The following ZNF385D variants were observed in gnomAD, a reference collection of about 807,000 sequenced individuals.
The protein encoded by ZNF385D is zinc finger protein 659.
A neutral mutation model predicts 35.8 loss-of-function variants in ZNF385D; 15 were observed. The ratio of observed to expected loss-of-function variants is 0.42; its 90% confidence interval spans 0.28 to 0.64. ZNF385D has a LOEUF of 0.64. ZNF385D is among the 30% of genes least tolerant of loss of function. The probability of loss-of-function intolerance (pLI) is 0.23; values close to 1 mark genes in which losing one functional copy is unlikely to be tolerated. For synonymous variants in ZNF385D, 212 were observed against 186.8 expected, an observed-to-expected ratio of 1.13 and a Z score of -1.10; for missense variants, 474 against 494.6, an observed-to-expected ratio of 0.96 and a Z score of 0.39.
chr3:22,105,444 C>A (rs931133818), intron 3 of ZNF385D, among the ~76,000 whole-genome samples: 4 of 151,738 alleles, frequency 2.6e-5, no homozygotes, highest in Admixed American at 1.3e-4. Context: ...TACTTATATA[C>A]AGAGAGAGAA....
Position 21,512,107 on chromosome 3 carries a change from A to T in ZNF385D, c.277-1084T>A, listed in dbSNP as rs558030117. 3.6e-5 allele frequency among the ~76,000 whole-genome samples: 5 copies of T among 139,754 alleles called. No homozygotes were observed. The East Asian group carries it at 1.1e-3, about 31-fold the overall frequency. 91.7% of individuals were successfully genotyped at this position (139,754 alleles called of 152,430 possible). On this transcript the variant is annotated intron_variant, in intron 3 of 7. Coordinates refer to ENST00000281523, the MANE Select transcript of ZNF385D (RefSeq NM_024697.3). ...GGTTGCAGTGAGCCGAGATCACGCC[A>T]CTGTACTCCAGCCTGGTGACAGAGC...
Position 22,267,567 on chromosome 3 carries a change from T to C in ZNF385D, c.107-98532A>G, listed in dbSNP as rs548239992. Among the ~76,000 whole-genome samples the C allele has an allele frequency of 5.3e-4, 80 of 152,014 alleles. 1 individual carries two copies. Among genetic ancestry groups the C allele is most frequent in the African/African-American group, 1.9e-3 (77 of 41,538 alleles). ...ATCAATATTTCTCAGTAAGAAATAA[T>C]AACTCACAACCCCAGATGAGCAATA... On this transcript the variant is annotated intron_variant, in intron 2 of 5. Transcript: ENST00000494108.
intron 2 of ZNF385D, among the ~76,000 whole-genome samples, chr3:22,347,678 T>A (rs545622998): frequency 6.6e-6 from 1 of 152,190 alleles, no homozygotes; most frequent in Non-Finnish European, 1.5e-5. Flanking sequence ...ATGATATGAC[T>A]GTTTCACTTT....
chr3:21,462,917 G>A (rs1241103021), intron 4 of ZNF385D, among the ~76,000 whole-genome samples: 1 of 152,180 alleles, frequency 6.6e-6, no homozygotes, highest in African/African-American at 2.4e-5. Flanking sequence ...GGGAGACAGA[G>A]GTTGTGGTGA....
rs534938661 is a variant in ZNF385D, at chr3:21,652,743, C to T, written c.165+12143G>A. On this transcript the variant is annotated intron_variant, in intron 2 of 7. Transcript: ENST00000281523. Reference sequence around the variant, plus strand: ...TGCTGTGTTTGGTTTTTAGTCCTTGCGATAGTCTGCTGAGAATGATGGTTT... The same window carrying T: ...TGCTGTGTTTGGTTTTTAGTCCTTGTGATAGTCTGCTGAGAATGATGGTTT... Among the ~76,000 whole-genome samples, 17 of 151,168 alleles carry T rather than the reference C, an allele frequency of 1.1e-4. No homozygotes were observed. The South Asian group carries it at 3.3e-3, about 30-fold the overall frequency.
chr3:21,650,144 T>C (rs1485361699), intron 2 of ZNF385D, among the ~76,000 whole-genome samples: 1 of 152,152 alleles, frequency 6.6e-6, no homozygotes, highest in African/African-American at 2.4e-5. Flanking sequence ...AAACTGAAGA[T>C]ATGGAAAATG....
chr3:22,142,920 C>G (rs1704604885), intron 3 of ZNF385D, among the ~76,000 whole-genome samples: 1 of 152,014 alleles, frequency 6.6e-6, no homozygotes, highest in African/African-American at 2.4e-5. Context: ...ATTAACAGTC[C>G]CAGGATACTG....
intron 3 of ZNF385D, among the ~76,000 whole-genome samples, chr3:21,974,379 G>T (rs956315072): frequency 4.6e-5 from 7 of 151,906 alleles, no homozygotes; most frequent in Non-Finnish European, 8.8e-5. Flanking sequence ...ATATACAAAA[G>T]AATAAAACTA....
chr3:21,633,003 G>A (rs1162181704), intron 2 of ZNF385D, among the ~76,000 whole-genome samples: 1 of 151,994 alleles, frequency 6.6e-6, no homozygotes, highest in Non-Finnish European at 1.5e-5. Flanking sequence ...ACAAATCTGT[G>A]ATGTTATTAG....
At chr3:22,093,468 G>C (rs13322471) in intron 3 of ZNF385D, among the ~76,000 whole-genome samples, 2,845 of 151,992 alleles carry the variant, frequency 0.019, 88 homozygotes, top group African/African-American at 0.064. Context: ...CAGAATGGCT[G>C]AACAAAATTT....
intron 2 of ZNF385D, among the ~76,000 whole-genome samples, chr3:22,323,682 G>A (rs996080333): frequency 6.6e-6 from 1 of 152,052 alleles, no homozygotes; most frequent in Non-Finnish European, 1.5e-5. Flanking sequence ...AAATTCTACA[G>A]AACATCTGTT....
intron 2 of ZNF385D, among the ~76,000 whole-genome samples, chr3:21,575,982 G>A (rs2063486068): frequency 6.6e-6 from 1 of 152,178 alleles, no homozygotes; most frequent in South Asian, 2.1e-4. Context: ...TAAAAAGGTG[G>A]AAAGAGCTTA....
chr3:21,816,382 G>A (rs1354115879), intron 3 of ZNF385D, among the ~76,000 whole-genome samples: 1 of 152,190 alleles, frequency 6.6e-6, no homozygotes, highest in Non-Finnish European at 1.5e-5. Context: ...AAAAGAGGAA[G>A]TCAAATTGTT....
At chr3:22,254,807 G>A in intron 2 of ZNF385D, among the ~76,000 whole-genome samples, 1 of 151,884 alleles carries the variant, frequency 6.6e-6, no homozygotes, top group African/African-American at 2.4e-5. Flanking sequence ...AAATCGCAGT[G>A]CTTGTATTCA....
chr3:22,016,505 C>T (rs1304278900), intron 3 of ZNF385D, among the ~76,000 whole-genome samples: 1 of 152,030 alleles, frequency 6.6e-6, no homozygotes, highest in Admixed American at 6.6e-5. Context: ...TTAGGTATGA[C>T]TATCTGATTT....
intron 3 of ZNF385D, among the ~76,000 whole-genome samples, chr3:21,832,555 C>T (rs1695060798): frequency 6.6e-6 from 1 of 152,098 alleles, no homozygotes; most frequent in African/African-American, 2.4e-5. Context: ...GGAACATCTC[C>T]CAAACTTTAA....
intron 2 of ZNF385D, chr3:21,579,647 T>C (rs2063594679): frequency 6.6e-6 from 1 of 152,178 alleles, no homozygotes; most frequent in Non-Finnish European, 1.5e-5. Flanking sequence ...AACAAAATAC[T>C]GCAAACTCAG....
At chr3:22,246,453 A>G (rs9855004) in intron 2 of ZNF385D, among the ~76,000 whole-genome samples, 9,890 of 152,166 alleles carry the variant, frequency 0.065, 850 homozygotes, top group African/African-American at 0.2. Context: ...AAGAAACAGG[A>G]ACACTTTTGC....
chr3:21,823,974 T>C (rs1207145446), intron 3 of ZNF385D, among the ~76,000 whole-genome samples: 1 of 152,196 alleles, frequency 6.6e-6, no homozygotes, highest in African/African-American at 2.4e-5. Context: ...TTACACTATT[T>C]AATGATGCAT....
Sources: allele counts gnomAD v4.1 joint callset (sites outside exome capture counted in the v4.1 genomes callset), GRCh38; gene constraint gnomAD v4.1.1; transcripts MANE v1.5; gene names NCBI Gene and HGNC (gene_info 2026-07-23, HGNC 2026-07-21).